Variants in CELF2 observed in about 807,000 individuals in gnomAD.
CELF2 encodes CUG triplet repeat RNA-binding protein 2.
A neutral mutation model predicts 62.6 loss-of-function variants in CELF2; 8 were observed. That is an observed-to-expected ratio of 0.13 (90% CI 0.07 to 0.23). CELF2 has a LOEUF of 0.23. CELF2 is among the 10% of genes least tolerant of loss of function. The probability of loss-of-function intolerance (pLI) is 1.00; values close to 1 mark genes in which losing one functional copy is unlikely to be tolerated. For synonymous variants in CELF2, 258 were observed against 250.0 expected (o/e 1.03, Z -0.30); for missense variants, 333 against 671.0 (o/e 0.50, Z 5.56).
At chr10:11,278,436 A>G (rs1402458972) in intron 8 of CELF2, among the ~76,000 whole-genome samples, 1 of 152,136 alleles carries the variant, frequency 6.6e-6, no homozygotes, top group Non-Finnish European at 1.5e-5. Flanking sequence ...CTCAGCGGTG[A>G]TATTTGTTCA....
At chr10:11,266,153 G>C (rs1469758148) in intron 5 of CELF2, among the ~76,000 whole-genome samples, 1 of 152,024 alleles carries the variant, frequency 6.6e-6, no homozygotes, top group Admixed American at 6.5e-5. Context: ...CTTGGTGTGA[G>C]GATTTTCTTA....
At chr10:10,516,527 A>G in the CELF2 span, among the ~76,000 whole-genome samples, 1 of 152,162 alleles carries the variant, frequency 6.6e-6, no homozygotes, top group African/African-American at 2.4e-5. Flanking sequence ...AGCAAATTAC[A>G]GTCAATTCGG....
the CELF2 span, among the ~76,000 whole-genome samples, chr10:10,767,799 A>G: frequency 1.4e-3 from 212 of 152,222 alleles, no homozygotes; most frequent in African/African-American, 4.9e-3. Context: ...GATGGAGACC[A>G]TCCTGGCTAA....
chr10:10,697,784 G>A, the CELF2 span, among the ~76,000 whole-genome samples: 80 of 152,228 alleles, frequency 5.3e-4, 1 homozygote, highest in African/African-American at 1.8e-3. Flanking sequence ...ATGGAGATTA[G>A]GTTTTGGGTT....
chr10:11,143,005 TGG>T (rs924579234), intron 1 of CELF2, among the ~76,000 whole-genome samples: 1 of 151,836 alleles, frequency 6.6e-6, no homozygotes, highest in African/African-American at 2.4e-5. Context: ...CTCCCTCCAC[TGG>T]GGGGACTCAC....
chr10:10,945,775 G>A (rs1193974006), intron 2 of CELF2, among the ~76,000 whole-genome samples: 2 of 152,168 alleles, frequency 1.3e-5, no homozygotes, highest in East Asian at 1.9e-4. Flanking sequence ...AGTCAACAGC[G>A]AGGGCCCCTC....
chr10:11,119,872 C>CCG (rs1554849858), intron 1 of CELF2, among the ~76,000 whole-genome samples: 21 of 146,480 alleles, frequency 1.4e-4, no homozygotes, highest in Admixed American at 4.8e-4. Flanking sequence ...CCTCCCCCCC[C>CCG]CCGGCCCCCG....
chr10:11,299,702 G>A (rs1028665970), intron 9 of CELF2, among the ~76,000 whole-genome samples: 10 of 152,054 alleles, frequency 6.6e-5, no homozygotes, highest in South Asian at 4.1e-4. Flanking sequence ...AAATGACAGC[G>A]CCACCGCACC....
chr10:10,913,547 C>A (rs917275717), intron 1 of CELF2, among the ~76,000 whole-genome samples: 3 of 151,134 alleles, frequency 2.0e-5, no homozygotes, highest in Admixed American at 2.0e-4. Context: ...TGTGCCACTA[C>A]GCCCAGCTAA....
the CELF2 span, among the ~76,000 whole-genome samples, chr10:10,599,538 C>T: frequency 3.3e-5 from 5 of 151,958 alleles, no homozygotes; most frequent in African/African-American, 7.3e-5. Flanking sequence ...TGTAAAAGTA[C>T]GGGGAGTTGA....
At chr10:10,509,390 G>A in the CELF2 span, among the ~76,000 whole-genome samples, 1 of 152,016 alleles carries the variant, frequency 6.6e-6, no homozygotes, top group African/African-American at 2.4e-5. Context: ...CATAAAGGTG[G>A]GGCCCTTATG....
upstream of CELF2, among the ~76,000 whole-genome samples, chr10:10,794,046 G>A (rs572326605): frequency 5.9e-5 from 9 of 152,074 alleles, no homozygotes; most frequent in East Asian, 1.9e-4. Context: ...ATTATTTGTC[G>A]TTTCTCTGAA....
chr10:10,665,237 A>T, the CELF2 span, among the ~76,000 whole-genome samples: 2 of 152,022 alleles, frequency 1.3e-5, no homozygotes, highest in African/African-American at 2.4e-5. Context: ...ACAGGTGGAA[A>T]AAAACATGGA....
chr10:10,476,219 A>C, the CELF2 span, among the ~76,000 whole-genome samples: 1 of 151,780 alleles, frequency 6.6e-6, no homozygotes, highest in Non-Finnish European at 1.5e-5. Flanking sequence ...ATCATTTTAT[A>C]TCTACTTTCT....
chr10:10,572,571 T>C, the CELF2 span, among the ~76,000 whole-genome samples: 1 of 151,740 alleles, frequency 6.6e-6, no homozygotes, highest in East Asian at 1.9e-4. Flanking sequence ...TGTGTTCTCA[T>C]TGTTCAGCTC....
At position 11,328,356 on chromosome 10, in the gene CELF2, T is replaced by C. The variant is rs1043243028; in HGVS notation, c.1439-570T>C. 7.9e-5 allele frequency among the ~76,000 whole-genome samples: 12 copies of C among 152,202 alleles called. No individual in the cohort carries two copies. The highest frequency in any genetic ancestry group is 8.8e-5 in the Non-Finnish European group (6 of 68,024). On this transcript the variant is annotated intron_variant, in intron 12 of 12. Coordinates refer to ENST00000633077, the MANE Select transcript of CELF2 (RefSeq NM_001326342.2). The surrounding 1 kb of genome is among the most constrained non-coding windows in gnomAD (Gnocchi z 6.4). ...AGTTATTCTAGAGTTTATTCGCTAA[T>C]TGACCCATCCTCCAGCTAAACAGGT...
At chr10:11,175,062 G>GC (rs10629889) in intron 2 of CELF2, among the ~76,000 whole-genome samples, 12,188 of 143,152 alleles carry the variant, frequency 0.085, 674 homozygotes, top group African/African-American at 0.16. Flanking sequence ...TTTAAAGTCT[G>GC]CCCCCCCGCC....
At position 10,981,730 on chromosome 10, in the gene CELF2, C is replaced by T. The variant is rs988409069; in HGVS notation, c.89+61731C>T. Among the ~76,000 whole-genome samples, 7 of 152,292 alleles carry T rather than the reference C, an allele frequency of 4.6e-5. No individual in the cohort carries two copies. In the South Asian group the frequency reaches 1.2e-3, roughly 27 times the overall value. ...ATACAAGTAAGTAACATTTATTGTG[C>T]ACTTTCTATGTGCCCGGCATTGTGC... On this transcript the variant is annotated intron_variant, in intron 2 of 13. Coordinates refer to the CELF2 transcript ENST00000636488.
the CELF2 span, among the ~76,000 whole-genome samples, chr10:10,581,819 G>T: frequency 1.3e-5 from 2 of 152,152 alleles, no homozygotes; most frequent in Admixed American, 6.5e-5. Context: ...CACGAGGTCA[G>T]GTGTTTGAGA....
Sources: allele counts gnomAD v4.1 joint callset (sites outside exome capture counted in the v4.1 genomes callset), GRCh38; gene constraint gnomAD v4.1.1; non-coding constraint Gnocchi (gnomAD v3.1); transcripts MANE v1.5; gene names NCBI Gene and HGNC (gene_info 2026-07-23, HGNC 2026-07-21).